EVI5: variants seen among roughly 807,000 people sequenced by gnomAD.
EVI5 encodes ecotropic viral integration site 5, also known as ecotropic viral integration site 5 protein homolog.
Under a neutral mutation model 112.0 loss-of-function variants are expected in EVI5, and 73 were observed. The ratio of observed to expected loss-of-function variants is 0.65; its 90% CI spans 0.54 to 0.79. The LOEUF (loss-of-function observed/expected upper bound fraction) is 0.79, where lower values mean the gene tolerates loss of function less well. EVI5 is among the 30% of genes least tolerant of loss of function. The pLI is 0.00. For synonymous variants in EVI5, 305 were observed against 319.9 expected, an observed-to-expected ratio of 0.95 and a Z score of 0.50; for missense variants, 900 against 968.8, an observed-to-expected ratio of 0.93 and a Z score of 0.94.
At chr1:92,738,245 C>G (rs1677770524) in intron 1 of EVI5, among the ~76,000 whole-genome samples, 1 of 152,130 alleles carries the variant, frequency 6.6e-6, no homozygotes. Flanking sequence ...ATTTGTTATC[C>G]TATCGATCTT....
intron 1 of EVI5, among the ~76,000 whole-genome samples, chr1:92,746,598 T>G (rs1570734790): frequency 1.3e-5 from 2 of 152,144 alleles, no homozygotes; most frequent in Admixed American, 6.5e-5. Flanking sequence ...TAGTGGTGCA[T>G]GCCTGTAGTC....
chr1:92,612,993 T>G (rs1401135897), intron 16 of EVI5, among the ~76,000 whole-genome samples: 1 of 152,160 alleles, frequency 6.6e-6, no homozygotes, highest in Non-Finnish European at 1.5e-5. Flanking sequence ...CACAAAAGAC[T>G]GGTGAGTCTT....
intron 18 of EVI5, among the ~76,000 whole-genome samples, chr1:92,600,976 C>T (rs1291517150): frequency 6.6e-6 from 1 of 152,046 alleles, no homozygotes; most frequent in African/African-American, 2.4e-5. Context: ...CTGTAAACAA[C>T]AGTTAAACAA....
At chr1:92,753,173 G>A (rs1357904932) in intron 1 of EVI5, among the ~76,000 whole-genome samples, 1 of 151,316 alleles carries the variant, frequency 6.6e-6, no homozygotes, top group Non-Finnish European at 1.5e-5. Flanking sequence ...AGGCCCTGAA[G>A]AACTGAATAT....
intron 19 of EVI5, among the ~76,000 whole-genome samples, chr1:92,526,693 AAGG>A (rs879130124): frequency 1.5e-4 from 23 of 152,162 alleles, no homozygotes; most frequent in Admixed American, 1.3e-3. Flanking sequence ...GGAGTTCAGG[AAGG>A]AGAAGAGGGA....
intron 8 of EVI5, 36 bp from the exon 9 acceptor site, chr1:92,693,935 T>A: frequency 8.3e-7 from 1 of 1,203,146 alleles, no homozygotes; most frequent in Non-Finnish European, 1.2e-6. Flanking sequence ...TAAGAATGAC[T>A]TAGTGCTGTT....
At chr1:92,705,225 A>C (rs1440675422) in intron 2 of EVI5, among the ~76,000 whole-genome samples, 1 of 152,226 alleles carries the variant, frequency 6.6e-6, no homozygotes, top group East Asian at 1.9e-4. Context: ...ATGCATAACC[A>C]ATCTGCCCAA....
At chr1:92,623,500 T>C (rs1002928911) in intron 16 of EVI5, among the ~76,000 whole-genome samples, 1 of 152,136 alleles carries the variant, frequency 6.6e-6, no homozygotes, top group Non-Finnish European at 1.5e-5. Flanking sequence ...ACCATGCAAA[T>C]GGGTTTCATA....
chr1:92,789,956 G>A (rs1341698821), upstream of EVI5, among the ~76,000 whole-genome samples: 1 of 152,092 alleles, frequency 6.6e-6, no homozygotes, highest in Non-Finnish European at 1.5e-5. Context: ...TTACATTCTA[G>A]GTTTGCACTG....
At chr1:92,516,251 AAGG>A (rs1659852399) in intron 19 of EVI5, among the ~76,000 whole-genome samples, 1 of 152,180 alleles carries the variant, frequency 6.6e-6, no homozygotes. Flanking sequence ...GGCTGTTATA[AAGG>A]AGGAGTATGG....
chr1:92,721,528 G>A (rs1478699178), intron 2 of EVI5, among the ~76,000 whole-genome samples: 3 of 152,150 alleles, frequency 2.0e-5, no homozygotes, highest in African/African-American at 7.2e-5. Flanking sequence ...TGCCTGTCAA[G>A]GGGTGGAGGG....
chr1:92,583,701 ACTGGAAGTAC>A (rs543290436), intron 18 of EVI5, among the ~76,000 whole-genome samples: 165 of 150,750 alleles, frequency 1.1e-3, no homozygotes, highest in African/African-American at 3.7e-3. Context: ...AGTATAAGCT[ACTGGAAGTAC>A]CAATGCCTTC....
chr1:92,708,966 T>C (rs1462179605), intron 2 of EVI5, among the ~76,000 whole-genome samples: 4 of 152,172 alleles, frequency 2.6e-5, no homozygotes, highest in Admixed American at 6.5e-5. Context: ...CAGGAAAACA[T>C]AGACTGCTAA....
intron 13 of EVI5, among the ~76,000 whole-genome samples, chr1:92,652,831 A>G (rs970224950): frequency 1.3e-5 from 2 of 152,236 alleles, no homozygotes; most frequent in African/African-American, 4.8e-5. Flanking sequence ...GGAGGCTAGT[A>G]GAGAACTCAT....
rs972031745 is a variant in EVI5, at chr1:92,541,028, C to A, written c.2166+22614G>T. Among the ~76,000 whole-genome samples, 7 of 152,178 alleles carry A rather than the reference C, an allele frequency of 4.6e-5. 1 individual carries two copies. In the South Asian group the frequency reaches 1.2e-3, roughly 27 times the overall value. On this transcript the variant is annotated intron_variant, in intron 19 of 19. Transcript: ENST00000684568. ...GGCGGAGGTTGCAGTGAGCTGAGAT[C>A]GTGCCACTGCACTCCAGCCTGAGTG...
chr1:92,610,510 A>G (rs1038560758), intron 16 of EVI5, among the ~76,000 whole-genome samples: 2 of 152,242 alleles, frequency 1.3e-5, no homozygotes, highest in Non-Finnish European at 2.9e-5. Flanking sequence ...TAATTATAGG[A>G]CTTTACCTAA....
chr1:92,546,393 A>C, intron 19 of EVI5, among the ~76,000 whole-genome samples: 1 of 152,158 alleles, frequency 6.6e-6, no homozygotes, highest in South Asian at 2.1e-4. Flanking sequence ...AAACAAAACT[A>C]AACTTACCAA....
rs572442201 is a variant in EVI5, at chr1:92,568,933, T to G, written c.2071-5196A>C. ...AAGGCTTCTAGTCAAAAGTAAGCTC[T>G]TAGTAGTTAAGTTTTGGGGGAGTCA... On this transcript the variant is annotated intron_variant, in intron 18 of 19. Transcript: ENST00000684568. 2.0e-5 allele frequency among the ~76,000 whole-genome samples: 3 copies of G among 152,342 alleles called. No individual in the cohort carries two copies. The East Asian group carries it at 5.8e-4, about 29-fold the overall frequency.
At chr1:92,601,941 G>C (rs1649265797) in intron 18 of EVI5, among the ~76,000 whole-genome samples, 1 of 152,138 alleles carries the variant, frequency 6.6e-6, no homozygotes, top group African/African-American at 2.4e-5. Context: ...GAAAAGTACA[G>C]ACTAATGCTA....
Sources: gnomAD v4.1 joint callset for allele counts (sites outside exome capture counted in the v4.1 genomes callset) on GRCh38, gnomAD v4.1.1 for gene constraint, MANE v1.5 for transcripts, NCBI Gene and HGNC (gene_info 2026-07-23, HGNC 2026-07-21) for gene names.